Variants in IWS1 observed in about 807,000 individuals in gnomAD.
The protein encoded by IWS1 is protein IWS1 homolog.
In IWS1, 27 loss-of-function variants were observed where a neutral mutation model predicts 86.7. The observed-to-expected ratio is 0.31, with a 90% CI of 0.23 to 0.43. The LOEUF (loss-of-function observed/expected upper bound fraction) is 0.43. IWS1 is among the 20% of genes least tolerant of loss of function. IWS1 has a pLI of 1.00. For missense variants in IWS1, 827 were observed against 1,000.8 expected (o/e 0.83, Z 2.34); for synonymous variants, 313 against 335.1 (o/e 0.93, Z 0.72).
intron 2 of IWS1, among the ~76,000 whole-genome samples, chr2:127,512,237 A>C (rs534264574): frequency 6.6e-6 from 1 of 152,358 alleles, no homozygotes; most frequent in African/African-American, 2.4e-5. Context: ...CAGCTGAATC[A>C]AAACCACACA....
Position 127,504,421 on chromosome 2 carries a change from A to C in IWS1, c.1219+263T>G, listed in dbSNP as rs1190232643. On this transcript the variant is annotated intron_variant, in intron 3 of 13. Coordinates refer to ENST00000295321, the MANE Select transcript of IWS1 (RefSeq NM_017969.3). Reference sequence around the variant, plus strand: ...CCTCTTCCAGTTTTAAAAAAAAAAAACAGTATTTTATATTCCTATTGACAT... The same window carrying C: ...CCTCTTCCAGTTTTAAAAAAAAAAACCAGTATTTTATATTCCTATTGACAT... Among the ~76,000 whole-genome samples the C allele has an allele frequency of 4.6e-5, 7 of 152,066 alleles. No homozygotes were observed. The East Asian group carries it at 5.8e-4, about 13-fold the overall frequency.
chr2:127,483,405 T>C (rs776608804), intron 13 of IWS1, among the ~76,000 whole-genome samples: 8 of 151,888 alleles, frequency 5.3e-5, no homozygotes, highest in Non-Finnish European at 1.2e-4. Context: ...AGAGGATCGC[T>C]TGAGACCAGC....
In IWS1 at chr2:127,523,440, T is replaced by C. The variant is rs185725825; in HGVS notation, c.150+236A>G. On this transcript the variant is annotated intron_variant, in intron 2 of 13. Coordinates refer to ENST00000295321, the MANE Select transcript of IWS1 (RefSeq NM_017969.3). ...CCATTTTCTGAATCAATATGCACAG[T>C]TGAAAACTGCCTAACATTTGAAATG... Among the ~76,000 whole-genome samples, 19 of 152,318 alleles carry C rather than the reference T, an allele frequency of 1.2e-4. No individual in the cohort carries two copies. In the East Asian group the frequency reaches 2.7e-3, roughly 22 times the overall value.
chr2:127,507,689 C>G (rs1691216123), intron 2 of IWS1, among the ~76,000 whole-genome samples: 1 of 152,150 alleles, frequency 6.6e-6, no homozygotes, highest in African/African-American at 2.4e-5. Context: ...TCTAGGAAGG[C>G]AGACATATTT....
Position 127,505,296 on chromosome 2 carries a change from GCTC to G in IWS1, c.604_606del (p.Glu202del), listed in dbSNP as rs370300816. On this transcript the variant is annotated inframe_deletion, in exon 3 of 14. Coordinates refer to ENST00000295321, the MANE Select transcript of IWS1 (RefSeq NM_017969.3). This position sits in a 1 kb window ranked among gnomAD's most constrained non-coding sequence, Gnocchi z 5.0. ...GAATCACTCATTCGAGGTTTGGGAG[GCTC>G]CTCATTTTCGGAGTCACTGGCTTGG... The G allele has an allele frequency of 1.2e-3, 1,859 of 1,613,862 alleles. 24 individuals carry two copies. In the South Asian group the frequency reaches 0.014, roughly 12 times the overall value.
chr2:127,492,127 G>C, intron 9 of IWS1, 39 bp from the exon 10 acceptor site: 1 of 1,275,174 alleles, frequency 7.8e-7, no homozygotes, highest in South Asian at 1.2e-5. Context: ...TTAATCACTC[G>C]GAAGCTGGGG....
rs376103491 is a variant in IWS1, at chr2:127,502,806, T to G, written c.1467+9A>C. On this transcript the variant is annotated intron_variant, in intron 5 of 13. Transcript: ENST00000295321. The stretch of plus-strand genomic sequence containing the variant: ...AATCAAGGAGGAAATATTTCCATCT[T>G]ATACTTACTGTAAATTCTTCTTCCT... 1.0e-4 allele frequency: 153 copies of G among 1,474,716 alleles called. No individual in the cohort carries two copies. Among genetic ancestry groups the G allele is most frequent in the Admixed American group, 2.0e-4 (12 of 59,334 alleles). 91.4% of individuals were successfully genotyped at this position (1,474,716 alleles called of 1,614,324 possible). A position where few individuals can be genotyped will look rare whatever the true frequency, so the allele number is the denominator to read the frequency against.
chr2:127,496,308 C>G (rs772108957), intron 6 of IWS1, among the ~76,000 whole-genome samples, 160 bp from the exon 7 acceptor site: 3 of 152,096 alleles, frequency 2.0e-5, no homozygotes, highest in African/African-American at 7.2e-5. Context: ...AACGATGTTT[C>G]GGTCAATGAC....
intron 4 of IWS1, among the ~76,000 whole-genome samples, chr2:127,503,092 A>G (rs561604924): frequency 1.5e-3 from 221 of 152,278 alleles, no homozygotes; most frequent in African/African-American, 4.9e-3. Flanking sequence ...CTGGTCCCCA[A>G]TATCAACATC....
intron 6 of IWS1, among the ~76,000 whole-genome samples, chr2:127,496,550 T>TACACACACACACAC (rs36048775): frequency 0.018 from 2,462 of 140,360 alleles, 39 homozygotes; most frequent in Non-Finnish European, 0.024. Flanking sequence ...TATTTTATCA[T>TACACACACACACAC]ACACACACAC....
chr2:127,520,238 T>C (rs1022433855), intron 2 of IWS1, among the ~76,000 whole-genome samples: 1 of 152,112 alleles, frequency 6.6e-6, no homozygotes, highest in Admixed American at 6.5e-5. Context: ...GTGTGATCTC[T>C]ACTCACTGCA....
intron 6 of IWS1, 106 bp downstream of exon 6, chr2:127,498,034 C>T (rs1690607008): frequency 2.5e-6 from 2 of 813,882 alleles, no homozygotes; most frequent in Non-Finnish European, 4.0e-6. Context: ...AATAGACCCA[C>T]TCCTAAACTT....
intron 5 of IWS1, among the ~76,000 whole-genome samples, chr2:127,500,458 C>T (rs1351908364): frequency 1.1e-4 from 16 of 152,040 alleles, no homozygotes. Context: ...ATCTTTTTAT[C>T]GATATAAAGT....
chr2:127,494,266 A>C (rs1181632033), intron 8 of IWS1, among the ~76,000 whole-genome samples: 1 of 119,618 alleles, frequency 8.4e-6, no homozygotes, highest in Non-Finnish European at 1.8e-5. Flanking sequence ...AAAAAAAAAA[A>C]GCAAATCAAT....
chr2:127,481,731 G>A (rs1689640916), intron 13 of IWS1, among the ~76,000 whole-genome samples: 2 of 152,158 alleles, frequency 1.3e-5, no homozygotes. Context: ...TAACTTCTGT[G>A]ACCCTGGGCA....
At position 127,505,037 on chromosome 2, in the gene IWS1, G is replaced by A. The variant is rs750442602; in HGVS notation, c.866C>T (p.Ser289Leu). 3.7e-6 allele frequency: 6 copies of A among 1,612,312 alleles called. No individual in the cohort carries two copies. The highest frequency in any genetic ancestry group is 3.4e-6 in the Non-Finnish European group (4 of 1,179,480). Residue 289 changes from serine (S) to leucine (L), a missense_variant, in exon 3 of 14, where the codon TCG becomes TTG. Physicochemically the swap from Ser to Leu is moderately radical, Grantham distance 145. Coordinates refer to ENST00000295321, the MANE Select transcript of IWS1 (RefSeq NM_017969.3). The surrounding 1 kb of genome is among the most constrained non-coding windows in gnomAD (Gnocchi z 5.0). Reference sequence around the variant, plus strand: ...GGGTTTGGGTAGCTCCTCATTTTCCGAATCACTGGCCTGGTTCCTTGGGGG... The same window carrying A: ...GGGTTTGGGTAGCTCCTCATTTTCCAAATCACTGGCCTGGTTCCTTGGGGG... Reference protein sequence around the residue: ...EDPPRNQASDSENEELPKPRV... With the variant: ...EDPPRNQASDLENEELPKPRV...
Position 127,526,172 on chromosome 2 carries a change from C to CACCT in IWS1, c.33_34+2dup. 1 of 1,599,602 alleles carries CACCT rather than the reference C, an allele frequency of 6.3e-7. No individual in the cohort carries two copies. Among genetic ancestry groups the CACCT allele is most frequent in the South Asian group, 1.1e-5 (1 of 88,510 alleles). On this transcript the variant is annotated splice_region_variant and intron_variant, in intron 1 of 13. Transcript: ENST00000295321. ...AGCCCGGTCCCCCAGGTCCCTGCCC[C>CACCT]ACCTGACTGGTCGCCGCTGTAATAT...
chr2:127,514,168 C>T (rs1305350085), intron 2 of IWS1: 2 of 154,220 alleles, frequency 1.3e-5, no homozygotes, highest in Admixed American at 1.3e-4. Flanking sequence ...CAGAGTTAGC[C>T]ACACATTGGG....
intron 12 of IWS1, among the ~76,000 whole-genome samples, chr2:127,488,486 C>T (rs1176924387): frequency 6.6e-6 from 1 of 152,198 alleles, no homozygotes; most frequent in Non-Finnish European, 1.5e-5. Flanking sequence ...TCTTCTCTCC[C>T]ACTAAGTCAC....
Sources: allele counts gnomAD v4.1 joint callset (sites outside exome capture counted in the v4.1 genomes callset), GRCh38; gene constraint gnomAD v4.1.1; non-coding constraint Gnocchi (gnomAD v3.1); transcripts MANE v1.5; gene names NCBI Gene and HGNC (gene_info 2026-07-23, HGNC 2026-07-21).